The following FMNL2 variants were observed in gnomAD, a reference collection of about 807,000 sequenced individuals.
The protein encoded by FMNL2 is formin-like protein 2.
FMNL2 carries 51 observed loss-of-function variants against 130.2 expected under a neutral mutation model. The observed-to-expected ratio is 0.39, with a 90% CI of 0.31 to 0.49. The LOEUF (loss-of-function observed/expected upper bound fraction) is 0.49, where lower values mean the gene tolerates loss of function less well. Among genes scored for constraint, FMNL2 ranks in the 20% least tolerant of loss-of-function variants. The probability of loss-of-function intolerance (pLI) is 0.85; values close to 1 mark genes in which losing one functional copy is unlikely to be tolerated. For missense variants in FMNL2, 977 were observed against 1,316.2 expected, an observed-to-expected ratio of 0.74 and a Z score of 3.99; for synonymous variants, 465 against 467.1, an observed-to-expected ratio of 1.00 and a Z score of 0.06.
intron 20 of FMNL2, among the ~76,000 whole-genome samples, chr2:152,630,489 C>A (rs1271041559): frequency 6.6e-6 from 1 of 152,116 alleles, no homozygotes; most frequent in Non-Finnish European, 1.5e-5. Flanking sequence ...GCAGGGTGCT[C>A]TAATTTTCAG....
intron 1 of FMNL2, among the ~76,000 whole-genome samples, chr2:152,477,408 T>A (rs1340044700): frequency 6.6e-6 from 1 of 152,176 alleles, no homozygotes; most frequent in African/African-American, 2.4e-5. Context: ...TGGAAATAAA[T>A]GACTTTTGAA....
intron 1 of FMNL2, among the ~76,000 whole-genome samples, chr2:152,495,774 G>A (rs950775230): frequency 2.0e-5 from 3 of 150,766 alleles, no homozygotes; most frequent in African/African-American, 4.9e-5. Context: ...AAGCATATAC[G>A]AAATGCCAAT....
chr2:152,629,616 T>A, intron 18 of FMNL2, 40 bp from the exon 19 acceptor site: 1 of 1,540,842 alleles, frequency 6.5e-7, no homozygotes, highest in South Asian at 1.2e-5. Flanking sequence ...ATTTTTAACA[T>A]GTCTTTTTTC....
intron 1 of FMNL2, among the ~76,000 whole-genome samples, chr2:152,500,412 T>C (rs918515483): frequency 3.3e-5 from 5 of 152,196 alleles, no homozygotes; most frequent in Non-Finnish European, 5.9e-5. Flanking sequence ...AGCACCTGAT[T>C]AATTAAAACT....
intron 23 of FMNL2, among the ~76,000 whole-genome samples, chr2:152,639,446 C>T (rs1177002527): frequency 6.6e-6 from 1 of 152,210 alleles, no homozygotes; most frequent in Non-Finnish European, 1.5e-5. Context: ...TCACTTTCTT[C>T]TAGATTCATC....
rs1047157222 is a variant in FMNL2, at chr2:152,488,724, T to C, written c.118-33219T>C. Among the ~76,000 whole-genome samples the C allele has an allele frequency of 7.2e-5, 11 of 152,204 alleles. No homozygotes were observed. The East Asian group carries it at 2.1e-3, about 29-fold the overall frequency. On this transcript the variant is annotated intron_variant, in intron 1 of 25. Transcript: ENST00000288670. Reference sequence around the variant, plus strand: ...AAACTAATGGCCACATTAATGCCTTTGAGCTAAGTTAGACTGGCTGGAATC... The same window carrying C: ...AAACTAATGGCCACATTAATGCCTTCGAGCTAAGTTAGACTGGCTGGAATC...
At chr2:152,430,394 A>G (rs1238847201) in intron 1 of FMNL2, among the ~76,000 whole-genome samples, 3 of 152,188 alleles carry the variant, frequency 2.0e-5, no homozygotes, top group African/African-American at 7.2e-5. Flanking sequence ...CAAAATGAAC[A>G]TTGTGCTGAA....
intron 1 of FMNL2, among the ~76,000 whole-genome samples, chr2:152,355,525 G>A (rs1682733436): frequency 6.6e-6 from 1 of 152,070 alleles, no homozygotes; most frequent in South Asian, 2.1e-4. Context: ...CTTGCTTTTG[G>A]GTGGTTCTCT....
At chr2:152,505,799 T>C (rs1692138864) in intron 1 of FMNL2, among the ~76,000 whole-genome samples, 1 of 152,232 alleles carries the variant, frequency 6.6e-6, no homozygotes, top group African/African-American at 2.4e-5. Context: ...CGTTCTTGCT[T>C]AGCTAGTAAT....
chr2:152,398,446 C>T (rs1685514398), intron 1 of FMNL2, among the ~76,000 whole-genome samples: 1 of 152,144 alleles, frequency 6.6e-6, no homozygotes, highest in African/African-American at 2.4e-5. Flanking sequence ...TTGGTAGGTC[C>T]TCAAGAAATG....
intron 12 of FMNL2, among the ~76,000 whole-genome samples, chr2:152,615,716 C>T (rs1013292704): frequency 1.3e-5 from 2 of 152,164 alleles, no homozygotes; most frequent in African/African-American, 2.4e-5. Context: ...CTCAAAAACC[C>T]AAGCATTATG....
At chr2:152,479,802 C>G (rs1385068954) in intron 1 of FMNL2, among the ~76,000 whole-genome samples, 1 of 148,116 alleles carries the variant, frequency 6.8e-6, no homozygotes, top group African/African-American at 2.5e-5. Flanking sequence ...CCTCCGCCTC[C>G]AGGGTTCAAG....
intron 1 of FMNL2, among the ~76,000 whole-genome samples, chr2:152,521,510 G>GT (rs894754022): frequency 6.6e-5 from 10 of 151,780 alleles, no homozygotes; most frequent in African/African-American, 2.2e-4. Flanking sequence ...CCTCATAGTT[G>GT]TTTATCAAAG....
intron 9 of FMNL2, among the ~76,000 whole-genome samples, chr2:152,601,993 T>A (rs750413498): frequency 4.3e-4 from 66 of 152,142 alleles, no homozygotes; most frequent in Non-Finnish European, 8.4e-4. Context: ...TTGATAGATG[T>A]GAAAACTGAA....
intron 1 of FMNL2, among the ~76,000 whole-genome samples, chr2:152,483,899 C>T (rs1489721155): frequency 6.6e-6 from 1 of 152,200 alleles, no homozygotes; most frequent in African/African-American, 2.4e-5. Context: ...CCCAAACAAC[C>T]TATGATCCAG....
chr2:152,637,515 G>C (rs1032533851), intron 22 of FMNL2, 58 bp from the exon 23 acceptor site: 19 of 1,363,222 alleles, frequency 1.4e-5, no homozygotes, highest in Admixed American at 6.9e-5. Context: ...GTTCCCCCTA[G>C]AGCATCCAGT....
At position 152,647,819 on chromosome 2, in the gene FMNL2, C is replaced by T. The variant is rs769093071; in HGVS notation, c.3193C>T (p.Arg1065Ter). ...AGATCTTAGAAACCAACCATACAGA[C>T]GAGCCGATGCGGTGAGGAGAAGCGT... is the stretch of plus-strand genomic sequence containing the variant. ...ITDLRNQPYR[R>*]ADAVRRSVRR... The change falls in exon 26 of 26, where the codon CGA becomes TGA. Residue 1065 changes from arginine to a stop codon, truncating the protein, a stop_gained. Transcript: ENST00000288670. LOFTEE classifies it high-confidence loss of function. 4 of 1,613,560 alleles carry T rather than the reference C, an allele frequency of 2.5e-6. No homozygotes were observed. The highest frequency in any genetic ancestry group is 3.4e-6 in the Non-Finnish European group (4 of 1,179,782).
At chr2:152,419,433 T>G (rs1408681393) in intron 1 of FMNL2, among the ~76,000 whole-genome samples, 1 of 152,096 alleles carries the variant, frequency 6.6e-6, no homozygotes, top group Non-Finnish European at 1.5e-5. Flanking sequence ...GAAAACATGC[T>G]AAGTGAAGTA....
At chr2:152,492,456 T>A (rs984017486) in intron 1 of FMNL2, among the ~76,000 whole-genome samples, 3 of 152,248 alleles carry the variant, frequency 2.0e-5, no homozygotes, top group Non-Finnish European at 1.5e-5. Flanking sequence ...TTCTCAATAA[T>A]AGCTGTACTC....
Sources: gnomAD v4.1 joint callset for allele counts (sites outside exome capture counted in the v4.1 genomes callset) on GRCh38, gnomAD v4.1.1 for gene constraint, MANE v1.5 for transcripts, NCBI Gene and HGNC (gene_info 2026-07-23, HGNC 2026-07-21) for gene names.